The following AGR3 variants were observed in gnomAD, a reference collection of about 807,000 sequenced individuals.
AGR3 encodes the protein anterior gradient 3, protein disulphide isomerase family member, also known as anterior gradient protein 3.
In AGR3, 37 loss-of-function variants were observed where a neutral mutation model predicts 24.5. The observed-to-expected ratio is 1.51, with a 90% CI of 1.16 to 1.99. The LOEUF is 1.99. AGR3 is among the 30% of genes most tolerant of loss of function. The pLI, the probability that AGR3 is intolerant of heterozygous loss-of-function variation, is 0.00. For synonymous variants in AGR3, 75 were observed against 61.6 expected, an observed-to-expected ratio of 1.22 and a Z score of -1.02; for missense variants, 228 against 191.1, an observed-to-expected ratio of 1.19 and a Z score of -1.14.
intron 2 of AGR3, among the ~76,000 whole-genome samples, chr7:16,877,125 A>AGCACTTGGCTG (rs1671605361): frequency 6.6e-6 from 1 of 151,626 alleles, no homozygotes; most frequent in African/African-American, 2.4e-5. Context: ...AACATTGATG[A>AGCACTTGGCTG]GCACTTGGCT....
chr7:16,879,034 T>C (rs1462283144), intron 1 of AGR3, among the ~76,000 whole-genome samples: 1 of 152,224 alleles, frequency 6.6e-6, no homozygotes, highest in Non-Finnish European at 1.5e-5. Context: ...GAAATATTCT[T>C]TGCCTTTTGA....
At chr7:16,865,431 G>T (rs547461354) in intron 3 of AGR3, 2 of 871,626 alleles carry the variant, frequency 2.3e-6, no homozygotes, top group Admixed American at 1.8e-5. Flanking sequence ...CATCGTAATT[G>T]TTGGTGCCAC....
At chr7:16,876,110 A>G (rs77279520) in intron 2 of AGR3, among the ~76,000 whole-genome samples, 2,468 of 152,300 alleles carry the variant, frequency 0.016, 35 homozygotes, top group Non-Finnish European at 0.025. Flanking sequence ...ACATAGAGCA[A>G]TATAATCCCT....
chr7:16,877,135 TG>T (rs946714526), intron 2 of AGR3, among the ~76,000 whole-genome samples: 2 of 151,562 alleles, frequency 1.3e-5, no homozygotes, highest in Non-Finnish European at 2.9e-5. Context: ...AGCACTTGGC[TG>T]GCACTCAATA....
chr7:16,856,035 G>A (rs1037217797), downstream of AGR3, among the ~76,000 whole-genome samples: 3 of 152,132 alleles, frequency 2.0e-5, no homozygotes, highest in African/African-American at 7.2e-5. Flanking sequence ...TGCATCTTGT[G>A]TAAAGCCTGA....
At chr7:16,856,371 G>A (rs1021694136), downstream of AGR3, among the ~76,000 whole-genome samples, 5 of 152,182 alleles carry the variant, frequency 3.3e-5, no homozygotes, top group African/African-American at 1.2e-4. Context: ...GAAGGATCTA[G>A]TGCAGTAATT....
At chr7:16,856,074 T>C (rs1781552671), downstream of AGR3, among the ~76,000 whole-genome samples, 1 of 152,218 alleles carries the variant, frequency 6.6e-6, no homozygotes, top group Non-Finnish European at 1.5e-5. Flanking sequence ...GAGCTGTTTC[T>C]CTACTGATTT....
Position 16,862,645 on chromosome 7 carries a change from A to T in AGR3, c.191T>A (p.Val64Asp), listed in dbSNP as rs1562545189. The change falls in exon 4 of 8, where the codon GTT (valine) becomes GAT (aspartate). Residue 64 changes from valine to aspartate, a missense_variant. Transcript: ENST00000310398. ...TTGACAATCCTCCAGGTGATGAATAACCATTAATGGCTTCTTACTAAACAA... is the reference window on the plus strand; with the variant it reads ...TTGACAATCCTCCAGGTGATGAATATCCATTAATGGCTTCTTACTAAACAA... ...YAQKSKKPLM[V>D]IHHLEDCQYS... 1 of 1,548,270 alleles carries T rather than the reference A, an allele frequency of 6.5e-7. No homozygotes were observed. The highest frequency in any genetic ancestry group is 2.5e-5 in the East Asian group (1 of 40,186).
rs556837569 is a variant in AGR3, at chr7:16,878,665, T to G, written c.-27-20A>C. 3 of 1,512,956 alleles carry G rather than the reference T, an allele frequency of 2.0e-6. No individual in the cohort carries two copies. The East Asian group carries it at 6.8e-5, about 34-fold the overall frequency. The allele number at this position is 1,512,956 out of a possible 1,614,324, so 93.7% of individuals were successfully genotyped here. ...AAGAAGCTAGATGACAGAAAGGAAT[T>G]CTCAGAATCCAGTGAATTACTTCAA... On this transcript the variant is annotated intron_variant, in intron 1 of 7. Coordinates refer to ENST00000310398, the MANE Select transcript of AGR3 (RefSeq NM_176813.5).
downstream of AGR3, among the ~76,000 whole-genome samples, chr7:16,858,964 G>T (rs1046204723): frequency 6.6e-6 from 1 of 152,178 alleles, no homozygotes; most frequent in Non-Finnish European, 1.5e-5. Flanking sequence ...GAAGTAAGTG[G>T]TTAGTGCTGA....
downstream of AGR3, among the ~76,000 whole-genome samples, chr7:16,855,519 T>C (rs930822647): frequency 7.9e-5 from 12 of 152,192 alleles, no homozygotes; most frequent in Admixed American, 7.2e-4. Flanking sequence ...CACAATTCTG[T>C]CGCCCTCCTA....
intron 4 of AGR3, 135 bp from the exon 5 acceptor site, chr7:16,862,195 T>C: frequency 1.5e-6 from 1 of 657,748 alleles, no homozygotes; most frequent in African/African-American, 1.8e-5. Flanking sequence ...TTCATTGGCC[T>C]ATTGCCACTT....
At chr7:16,866,349 AG>A (rs1376352818) in intron 3 of AGR3, 1 of 428,312 alleles carries the variant, frequency 2.3e-6, no homozygotes, top group East Asian at 5.1e-5. Context: ...TAGGACCTGT[AG>A]TACATTAAAC....
downstream of AGR3, among the ~76,000 whole-genome samples, chr7:16,858,075 C>T (rs1382628332): frequency 2.0e-5 from 3 of 151,706 alleles, no homozygotes; most frequent in African/African-American, 7.3e-5. Flanking sequence ...GAAACCTCCA[C>T]CTCCCAGGTT....
intron 3 of AGR3, among the ~76,000 whole-genome samples, chr7:16,866,620 G>T (rs1378877183): frequency 2.0e-5 from 3 of 151,710 alleles, no homozygotes; most frequent in African/African-American, 7.3e-5. Context: ...ACTAAAGCTG[G>T]TTATTAGTTT....
rs544014244 is a variant in AGR3, at chr7:16,865,099, A to G, written c.174-2437T>C. 1.3e-4 allele frequency: 101 copies of G among 751,042 alleles called. 1 individual carries two copies. In the East Asian group the frequency reaches 1.8e-3, roughly 14 times the overall value. The allele number at this position is 751,042 out of a possible 1,614,324, so 46.5% of individuals were successfully genotyped here. A position where few individuals can be genotyped will look rare whatever the true frequency, so the allele number is the denominator to read the frequency against. ...GTTAAAGATGCTCTTTTACTGTATA[A>G]AATTTTCCCCAAAGCTCGGAAGAGA... On this transcript the variant is annotated intron_variant, in intron 3 of 7. Transcript: ENST00000310398.
At chr7:16,867,481 T>TAA (rs1335548709) in intron 3 of AGR3, among the ~76,000 whole-genome samples, 2 of 152,226 alleles carry the variant, frequency 1.3e-5, no homozygotes, top group Non-Finnish European at 2.9e-5. Context: ...CTATTTAACA[T>TAA]ATTCATCATC....
intron 4 of AGR3, 61 bp from the exon 5 acceptor site, chr7:16,862,121 T>C (rs1414770629): frequency 1.6e-6 from 2 of 1,259,998 alleles, no homozygotes; most frequent in East Asian, 2.3e-5. Context: ...TAATGTAACA[T>C]AGCAAAATAA....
intron 3 of AGR3, among the ~76,000 whole-genome samples, chr7:16,871,229 G>A (rs537999220): frequency 6.6e-6 from 1 of 152,210 alleles, no homozygotes; most frequent in African/African-American, 2.4e-5. Context: ...AAATAATACT[G>A]CTTTGTTTAT....
Sources: allele counts gnomAD v4.1 joint callset (sites outside exome capture counted in the v4.1 genomes callset), GRCh38; gene constraint gnomAD v4.1.1; transcripts MANE v1.5; gene names NCBI Gene and HGNC (gene_info 2026-07-23, HGNC 2026-07-21).